ACLY: variants seen among roughly 807,000 people sequenced by gnomAD.
The protein encoded by ACLY is ATP-citrate synthase.
ACLY carries 41 observed loss-of-function variants against 133.0 expected under a neutral mutation model. The observed-to-expected ratio is 0.31, with a 90% confidence interval of 0.24 to 0.40. The LOEUF (loss-of-function observed/expected upper bound fraction) is 0.40, where lower values mean the gene tolerates loss of function less well. Ranked by LOEUF, ACLY falls within the 10% of genes least tolerant of loss-of-function variation. The pLI is 1.00. For synonymous variants in ACLY, 495 were observed against 549.3 expected (o/e 0.90, Z 1.38); for missense variants, 1,046 against 1,453.8 (o/e 0.72, Z 4.56).
intron 16 of ACLY, among the ~76,000 whole-genome samples, 196 bp from the exon 17 acceptor site, chr17:41,887,899 G>A (rs2049098401): frequency 2.0e-5 from 3 of 152,042 alleles, no homozygotes; most frequent in African/African-American, 7.2e-5. Context: ...AGGCCGAGGA[G>A]GGTGGATCTT....
intron 5 of ACLY, 82 bp downstream of exon 5, chr17:41,909,428 C>A: frequency 6.8e-7 from 1 of 1,479,418 alleles, no homozygotes; most frequent in Non-Finnish European, 9.3e-7. Context: ...GAGGAGACCG[C>A]TCTGCTCTCC....
In ACLY at chr17:41,906,540, G is replaced by C; in HGVS notation, c.854C>G (p.Ser285Cys). 1 of 1,614,122 alleles carries C rather than the reference G, an allele frequency of 6.2e-7. No homozygotes were observed. Among genetic ancestry groups the C allele is most frequent in the Non-Finnish European group, 8.5e-7 (1 of 1,179,996 alleles). ...IWTMVAGGGA[S>C]VVYSDTICDL... is the part of the protein sequence containing the mutation. ...CCCCTTCGGTCACCTGTACACGACA[G>C]AGGCGCCACCCCCGGCCACCATGGT... Residue 285 changes from serine (S) to cysteine (C), a missense_variant, in exon 8 of 29, where the codon TCT (serine) becomes TGT (cysteine). Ser to Cys is a moderately radical substitution (Grantham distance 112). This residue lies in a region of ACLY where 575 missense variants were observed against 804.2 expected (regional missense o/e 0.71). Transcript: ENST00000352035.
rs782226163 is a variant in ACLY at position 41,901,765 on chromosome 17, C to T, written c.1114G>A (p.Glu372Lys). ...CCTCTTCGGACAAAGATTGTGACTT[C>T]GTGCTCCTTCAGGGGGCCCTGGTAA... ...RDYQGPLKEHEVTIFVRRGGP... is the reference protein window; with the variant it reads ...RDYQGPLKEHKVTIFVRRGGP... The change falls in exon 11 of 29, where the codon GAA becomes AAA. Residue 372 changes from glutamate (E) to lysine (K), a missense_variant. Transcript: ENST00000352035. The T allele has an allele frequency of 5.0e-6, 8 of 1,605,948 alleles. No homozygotes were observed. The highest frequency in any genetic ancestry group is 1.7e-5 in the Admixed American group (1 of 59,370).
chr17:41,907,456 C>T lies in ACLY; in HGVS notation c.733G>A (p.Glu245Lys). The T allele has an allele frequency of 6.2e-7, 1 of 1,613,722 alleles. No individual in the cohort carries two copies. Among genetic ancestry groups the T allele is most frequent in the Non-Finnish European group, 8.5e-7 (1 of 1,179,796 alleles). The change falls in exon 7 of 29, where the codon GAG (glutamate) becomes AAG (lysine). Residue 245 changes from glutamate to lysine, a missense_variant. Physicochemically the swap from Glu to Lys is moderately conservative, Grantham distance 56. Coordinates refer to ENST00000352035, the MANE Select transcript of ACLY (RefSeq NM_001096.3). ...DIEFPPPFGR[E>K]AYPEEAYIAD... Reference sequence around the variant, plus strand: ...ACCAGCCTTACCTCTGGATATGCCTCCCGCCCGAAGGGGGGAGGGAACTCG... The same window carrying T: ...ACCAGCCTTACCTCTGGATATGCCTTCCGCCCGAAGGGGGGAGGGAACTCG...
Position 41,896,601 on chromosome 17 carries a change from C to A in ACLY, c.1459+19G>T. On this transcript the variant is annotated intron_variant, in intron 14 of 28. Transcript: ENST00000352035. ...AACAAAGCCACACGCGGAGTGGGGG[C>A]AGGGTGGGGGCATCCTACCTTGCAG... 4 of 1,543,962 alleles carry A rather than the reference C, an allele frequency of 2.6e-6. No homozygotes were observed. The highest frequency in any genetic ancestry group is 3.5e-6 in the Non-Finnish European group (4 of 1,145,646).
intron 2 of ACLY, among the ~76,000 whole-genome samples, 184 bp downstream of exon 2, chr17:41,913,531 G>C (rs992869546): frequency 5.3e-5 from 8 of 152,168 alleles, no homozygotes; most frequent in Non-Finnish European, 1.0e-4. Context: ...TACCATGCTG[G>C]GGTACCTCAA....
chr17:41,868,616 G>GAA, intron 28 of ACLY, 93 bp downstream of exon 28: 1 of 197,254 alleles, frequency 5.1e-6, no homozygotes, highest in Non-Finnish European at 8.4e-6. Flanking sequence ...AAAAAAAAAA[G>GAA]AAAGAAAAAG....
At chr17:41,919,412 A>T (rs1362733260), upstream of ACLY, among the ~76,000 whole-genome samples, 1 of 152,190 alleles carries the variant, frequency 6.6e-6, no homozygotes, top group Non-Finnish European at 1.5e-5. Flanking sequence ...TCTCGGCCGC[A>T]CCGAATCCGA....
chr17:41,909,435 C>A, intron 5 of ACLY, 75 bp downstream of exon 5: 1 of 1,521,450 alleles, frequency 6.6e-7, no homozygotes, highest in Non-Finnish European at 9.0e-7. Context: ...CCGCTCTGCT[C>A]TCCCCAGTCT....
In ACLY at chr17:41,909,022, A is replaced by C; in HGVS notation, c.583T>G (p.Leu195Val). The C allele has an allele frequency of 6.2e-7, 1 of 1,613,512 alleles. No individual in the cohort carries two copies. Among genetic ancestry groups the C allele is most frequent in the Non-Finnish European group, 8.5e-7 (1 of 1,179,960 alleles). ...TTGATCTCGAGGTAGGTGAAGTACAAGTCCTCGTAGAAATTGAAGAGGCCG... is the reference window on the plus strand; with the variant it reads ...TTGATCTCGAGGTAGGTGAAGTACACGTCCTCGTAGAAATTGAAGAGGCCG... ...ISGLFNFYED[L>V]YFTYLEINPL... Residue 195 changes from leucine to valine, a missense_variant, in exon 6 of 29, where the codon TTG (leucine) becomes GTG (valine). Transcript: ENST00000352035.
intron 12 of ACLY, 38 bp downstream of exon 12, chr17:41,898,593 G>T: frequency 6.2e-7 from 1 of 1,604,858 alleles, no homozygotes; most frequent in South Asian, 1.1e-5. Flanking sequence ...AAGATGAGAT[G>T]GTTCCTTCCT....
At chr17:41,878,575 A>G (rs1237836109) in intron 21 of ACLY, among the ~76,000 whole-genome samples, 1 of 152,180 alleles carries the variant, frequency 6.6e-6, no homozygotes, top group East Asian at 1.9e-4. Context: ...GTAGGCTCAG[A>G]AACTCAACAC....
intron 1 of ACLY, 101 bp downstream of exon 1, chr17:41,918,779 C>G: frequency 1.6e-6 from 2 of 1,249,968 alleles, no homozygotes; most frequent in South Asian, 1.3e-5. Flanking sequence ...GCGTGGGCAC[C>G]GAGCCCGCGT....
In ACLY at chr17:41,887,582, C is replaced by G. The variant is rs782047850; in HGVS notation, c.1875+17G>C. The G allele has an allele frequency of 2.5e-6, 4 of 1,611,516 alleles. No individual in the cohort carries two copies. The East Asian group carries it at 8.9e-5, about 36-fold the overall frequency. On this transcript the variant is annotated intron_variant, in intron 17 of 28. Transcript: ENST00000352035. ...GATAGCATCGAACGTAAAAGGCTTT[C>G]CGGAGGGGAAGCTCACAGTGGCAGG...
intron 18 of ACLY, 41 bp from the exon 19 acceptor site, chr17:41,884,315 A>C (rs1261914320): frequency 3.7e-6 from 5 of 1,357,068 alleles, no homozygotes; most frequent in South Asian, 1.2e-5. Flanking sequence ...GATCAGGAGG[A>C]GGCCTGGGGA....
rs782524327 is a variant in ACLY, at chr17:41,872,179, C to T, written c.2646G>A (p.Leu882=). The part of the protein sequence containing the change: ...VLGLLWFQKR[L]PKYSCQFIEM... ...CAATGAACTGGCAAGAGTACTTAGGCAACCTGGAGTGGGGGGAACAAAGGC... is the reference window on the plus strand; with the variant it reads ...CAATGAACTGGCAAGAGTACTTAGGTAACCTGGAGTGGGGGGAACAAAGGC... The change falls in exon 24 of 29, where the codon TTG becomes TTA. Residue 882 remains leucine (L), a synonymous_variant. Coordinates refer to ENST00000352035, the MANE Select transcript of ACLY (RefSeq NM_001096.3). 6.2e-7 allele frequency: 1 copy of T among 1,613,136 alleles called. No individual in the cohort carries two copies. The highest frequency in any genetic ancestry group is 8.5e-7 in the Non-Finnish European group (1 of 1,179,904).
chr17:41,918,843 C>A (rs1555634938), intron 1 of ACLY, 37 bp downstream of exon 1: 1 of 1,285,238 alleles, frequency 7.8e-7, no homozygotes, highest in East Asian at 5.8e-5. Context: ...CTAGGGCGAG[C>A]GGGCTCCAGC....
chr17:41,913,283 C>A lies in ACLY; in HGVS notation c.159+432G>T, dbSNP rs548916390. On this transcript the variant is annotated intron_variant, in intron 2 of 28. Transcript: ENST00000352035. ...CTTGATACATTCCTGATATACTCCA[C>A]TTAGGGGAGGAGAGGGCACATCCCT... 2.6e-5 allele frequency among the ~76,000 whole-genome samples: 4 copies of A among 152,358 alleles called. No individual in the cohort carries two copies. The South Asian group carries it at 8.3e-4, about 32-fold the overall frequency.
chr17:41,905,625 C>G lies in ACLY; in HGVS notation c.900G>C (p.Glu300Asp), dbSNP rs782674625. ...CTGAGTACTCCCCATAGTTTGCCAG[C>G]TCGTTGACACCCCCTAGATCACAGA... ...DTICDLGGVN[E>D]LANYGEYSGA... Residue 300 changes from glutamate to aspartate, a missense_variant, in exon 9 of 29, where the codon GAG (glutamate) becomes GAC (aspartate). Glu to Asp is a conservative substitution (Grantham distance 45). Coordinates refer to ENST00000352035, the MANE Select transcript of ACLY (RefSeq NM_001096.3). 1 of 1,614,218 alleles carries G rather than the reference C, an allele frequency of 6.2e-7. No homozygotes were observed. The highest frequency in any genetic ancestry group is 8.5e-7 in the Non-Finnish European group (1 of 1,180,040).
Sources: allele counts gnomAD v4.1 joint callset (sites outside exome capture counted in the v4.1 genomes callset), GRCh38; gene constraint gnomAD v4.1.1; regional missense constraint gnomAD v4.1.1; transcripts MANE v1.5; gene names NCBI Gene and HGNC (gene_info 2026-07-23, HGNC 2026-07-21).